Variants in ERC1 observed in about 807,000 individuals in gnomAD.
ERC1 encodes the protein ELKS/RAB6-interacting/CAST family member 1.
Under a neutral mutation model 132.0 loss-of-function variants are expected in ERC1, and 56 were observed. That is an observed-to-expected ratio of 0.42 (90% CI 0.34 to 0.53). The LOEUF (loss-of-function observed/expected upper bound fraction) is 0.53, where lower values mean the gene tolerates loss of function less well. Ranked by LOEUF, ERC1 falls within the 20% of genes least tolerant of loss-of-function variation. The pLI is 0.03. For missense variants in ERC1, 1,202 were observed against 1,349.9 expected (o/e 0.89, Z 1.72); for synonymous variants, 478 against 476.1 (o/e 1.00, Z -0.05).
chr12:1,319,182 G>A (rs1289259176), intron 15 of ERC1, among the ~76,000 whole-genome samples: 1 of 152,046 alleles, frequency 6.6e-6, no homozygotes, highest in Non-Finnish European at 1.5e-5. Context: ...TTCATCTCAA[G>A]TCAGCGTCAG....
chr12:1,227,214 C>G (rs1250010261), intron 12 of ERC1, among the ~76,000 whole-genome samples: 5 of 152,180 alleles, frequency 3.3e-5, no homozygotes, highest in Non-Finnish European at 7.4e-5. Context: ...TTACCGTTTT[C>G]CATAATGGCT....
At chr12:1,012,214 A>G (rs764850654) in intron 1 of ERC1, among the ~76,000 whole-genome samples, 15 of 152,156 alleles carry the variant, frequency 9.9e-5, no homozygotes, top group Non-Finnish European at 2.1e-4. Flanking sequence ...ACCATTTTCA[A>G]ACTTGCTGCT....
At chr12:1,104,900 G>A in intron 4 of ERC1, 76 bp downstream of exon 4, 3 of 892,950 alleles carry the variant, frequency 3.4e-6, no homozygotes, top group South Asian at 2.8e-5. Flanking sequence ...ATGTGTGAGT[G>A]TTAGGAAATG....
intron 12 of ERC1, among the ~76,000 whole-genome samples, chr12:1,218,833 TACACAC>T (rs60378521): frequency 0.041 from 6,030 of 148,528 alleles, 184 homozygotes; most frequent in African/African-American, 0.074. Context: ...TATATATATA[TACACAC>T]ACACACACAC....
intron 14 of ERC1, among the ~76,000 whole-genome samples, chr12:1,280,056 C>T (rs1435963313): frequency 6.6e-6 from 1 of 152,136 alleles, no homozygotes; most frequent in Non-Finnish European, 1.5e-5. Flanking sequence ...GCAGGAAGCA[C>T]TCTTGGAGTC....
At chr12:1,031,280 CA>C (rs1967985088) in intron 2 of ERC1, among the ~76,000 whole-genome samples, 1 of 152,200 alleles carries the variant, frequency 6.6e-6, no homozygotes, top group Non-Finnish European at 1.5e-5. Flanking sequence ...AACATTTTGA[CA>C]TTTCTCTTTA....
At chr12:1,192,915 A>C (rs1350460564) in intron 12 of ERC1, among the ~76,000 whole-genome samples, 2 of 152,126 alleles carry the variant, frequency 1.3e-5, no homozygotes, top group Non-Finnish European at 2.9e-5. Context: ...TGATTGCTTT[A>C]GTCTTTGTTT....
At chr12:1,207,294 A>G (rs536572118) in intron 12 of ERC1, among the ~76,000 whole-genome samples, 5 of 151,880 alleles carry the variant, frequency 3.3e-5, no homozygotes, top group Non-Finnish European at 7.4e-5. Context: ...TGAAAGGGTT[A>G]GTTTCTTATT....
At chr12:1,127,997 T>A (rs1246300064) in intron 7 of ERC1, among the ~76,000 whole-genome samples, 2 of 152,208 alleles carry the variant, frequency 1.3e-5, no homozygotes, top group Non-Finnish European at 2.9e-5. Flanking sequence ...GAGACTGACT[T>A]ATTCTCCTTG....
chr12:1,372,473 A>G (rs907799838), intron 16 of ERC1, among the ~76,000 whole-genome samples: 15 of 152,244 alleles, frequency 9.9e-5, no homozygotes. Flanking sequence ...TTGTGAAAAT[A>G]AAAGCTAAAA....
chr12:1,402,204 G>A (rs2091125279), intron 16 of ERC1, among the ~76,000 whole-genome samples: 1 of 152,142 alleles, frequency 6.6e-6, no homozygotes. Context: ...AGTTCTTGGA[G>A]GAAAATTTAT....
chr12:1,329,229 G>C (rs1296893322), intron 15 of ERC1, among the ~76,000 whole-genome samples: 1 of 145,560 alleles, frequency 6.9e-6, no homozygotes, highest in Non-Finnish European at 1.5e-5. Flanking sequence ...CAGAGGCGGA[G>C]GTTGGAGTGA....
intron 18 of ERC1, among the ~76,000 whole-genome samples, chr12:1,471,791 T>C (rs1439425094): frequency 6.6e-6 from 1 of 152,230 alleles, no homozygotes; most frequent in Non-Finnish European, 1.5e-5. Flanking sequence ...CAAGACCAGA[T>C]TCCTTGTAAA....
intron 17 of ERC1, among the ~76,000 whole-genome samples, chr12:1,412,037 C>CA (rs2091882245): frequency 6.6e-6 from 1 of 152,200 alleles, no homozygotes; most frequent in Admixed American, 6.5e-5. Flanking sequence ...ATTGGTTTAA[C>CA]ACCATGCAAT....
intron 2 of ERC1, among the ~76,000 whole-genome samples, chr12:1,068,002 G>GCT (rs1175964007): frequency 6.9e-6 from 1 of 145,434 alleles, no homozygotes; most frequent in Non-Finnish European, 1.5e-5. Flanking sequence ...CGCGATCTCA[G>GCT]CTCACTGCAG....
At chr12:1,416,330 T>G (rs1455118466) in intron 17 of ERC1, among the ~76,000 whole-genome samples, 1 of 152,132 alleles carries the variant, frequency 6.6e-6, no homozygotes, top group African/African-American at 2.4e-5. Context: ...GAGTAAAGTT[T>G]GGGAAGATGA....
At chr12:1,010,148 A>G (rs1470013378) in intron 1 of ERC1, among the ~76,000 whole-genome samples, 1 of 152,192 alleles carries the variant, frequency 6.6e-6, no homozygotes, top group African/African-American at 2.4e-5. Flanking sequence ...GAAGCGTGGT[A>G]ACCGAGGGGA....
intron 16 of ERC1, among the ~76,000 whole-genome samples, chr12:1,401,189 C>T (rs988025895): frequency 1.3e-5 from 2 of 152,010 alleles, no homozygotes; most frequent in Non-Finnish European, 2.9e-5. Flanking sequence ...CCGTCTCAGC[C>T]TTCCAAAGTG....
chr12:1,382,940 T>A (rs955935414), intron 16 of ERC1, among the ~76,000 whole-genome samples: 3 of 152,148 alleles, frequency 2.0e-5, no homozygotes, highest in Non-Finnish European at 4.4e-5. Context: ...AAGTAGAAAG[T>A]CCAGAGGCTG....
Sources: allele counts gnomAD v4.1 joint callset (sites outside exome capture counted in the v4.1 genomes callset), GRCh38; gene constraint gnomAD v4.1.1; transcripts MANE v1.5; gene names NCBI Gene and HGNC (gene_info 2026-07-23, HGNC 2026-07-21).